The following POLR2B variants were observed in gnomAD, a reference collection of about 807,000 sequenced individuals.
POLR2B encodes DNA-directed RNA polymerase II subunit RPB2.
POLR2B carries 57 observed loss-of-function variants against 144.6 expected under a neutral mutation model. The ratio of observed to expected loss-of-function variants is 0.39; its 90% CI spans 0.32 to 0.49. The LOEUF (loss-of-function observed/expected upper bound fraction) is 0.49, where lower values mean the gene tolerates loss of function less well. Ranked by LOEUF, POLR2B falls within the 20% of genes least tolerant of loss-of-function variation. POLR2B has a pLI of 0.83. For synonymous variants in POLR2B, 442 were observed against 469.8 expected (o/e 0.94, Z 0.77); for missense variants, 595 against 1,467.4 (o/e 0.41, Z 9.71).
In POLR2B at chr4:57,023,829, T is replaced by TA. The variant is rs1723627585; in HGVS notation, c.2856+80dup. 1.3e-5 allele frequency: 13 copies of TA among 1,017,142 alleles called. No homozygotes were observed. The East Asian group carries it at 3.2e-4, about 25-fold the overall frequency. The allele number at this position is 1,017,142 out of a possible 1,614,324, so 63.0% of individuals were successfully genotyped here. On this transcript the variant is annotated intron_variant, in intron 20 of 24. Coordinates refer to ENST00000314595, the MANE Select transcript of POLR2B (RefSeq NM_000938.3). This position sits in a 1 kb window ranked among gnomAD's most constrained non-coding sequence, Gnocchi z 4.3. ...TTTTTAATCAAAATTTGCTTTAACT[T>TA]AAGAGCTCAAAGATGATACAGGTTG... is the stretch of plus-strand genomic sequence containing the variant.
At chr4:57,020,739 C>G (rs919288764) in intron 16 of POLR2B, among the ~76,000 whole-genome samples, 160 bp from the exon 17 acceptor site, 2 of 152,114 alleles carry the variant, frequency 1.3e-5, no homozygotes, top group Non-Finnish European at 2.9e-5. Flanking sequence ...AGTTGCCTCA[C>G]AGATTGCTAT....
At chr4:57,026,237 C>CAAAACAA (rs1190984583) in intron 23 of POLR2B, among the ~76,000 whole-genome samples, 1 of 151,840 alleles carries the variant, frequency 6.6e-6, no homozygotes, top group Admixed American at 6.6e-5. Context: ...GACTTCATCT[C>CAAAACAA]AAAACAAAAA....
rs1447086971 is a variant in POLR2B at position 56,986,525 on chromosome 4, GA to G, written c.92+100del. The G allele has an allele frequency of 5.6e-5, 37 of 661,144 alleles. No individual in the cohort carries two copies. In the African/African-American group the frequency reaches 6.1e-4, roughly 11 times the overall value. The allele number at this position is 661,144 out of a possible 1,614,324, so 41.0% of individuals were successfully genotyped here. On this transcript the variant is annotated intron_variant, in intron 2 of 24. Transcript: ENST00000314595. ...TCTTCTATATAAATATGCTACATGA[GA>G]GTAGTTATTTTATTTATATATTTAA...
At chr4:56,981,654 T>C (rs996195696) in intron 1 of POLR2B, among the ~76,000 whole-genome samples, 2 of 152,260 alleles carry the variant, frequency 1.3e-5, no homozygotes, top group African/African-American at 4.8e-5. Context: ...TCAGTCACTA[T>C]GTGAAAATGT....
Position 57,017,252 on chromosome 4 carries a change from C to T in POLR2B, c.2154+11C>T. On this transcript the variant is annotated intron_variant, in intron 15 of 24. Transcript: ENST00000314595. The surrounding 1 kb of genome is among the most constrained non-coding windows in gnomAD (Gnocchi z 4.8). Reference sequence around the variant, plus strand: ...CCTGATCATAACCAGGTTGGTATCACTTTTTGTCTTCTGGTGTGAGGAATT... The same window carrying T: ...CCTGATCATAACCAGGTTGGTATCATTTTTTGTCTTCTGGTGTGAGGAATT... 1 of 1,589,256 alleles carries T rather than the reference C, an allele frequency of 6.3e-7. No individual in the cohort carries two copies. Among genetic ancestry groups the T allele is most frequent in the Non-Finnish European group, 8.6e-7 (1 of 1,160,834 alleles).
intron 24 of POLR2B, 73 bp from the exon 25 acceptor site, chr4:57,030,826 T>C: frequency 1.2e-6 from 1 of 835,540 alleles, no homozygotes; most frequent in Non-Finnish European, 2.1e-6. Context: ...CAGATCTTTG[T>C]CTTTTTCTGG....
chr4:57,009,027 GC>G (rs1234527128), intron 10 of POLR2B, among the ~76,000 whole-genome samples: 1 of 152,164 alleles, frequency 6.6e-6, no homozygotes, highest in Non-Finnish European at 1.5e-5. Context: ...AAAGAGAAGG[GC>G]AAGTTTGGTG....
chr4:57,013,616 C>A (rs1343556456), intron 13 of POLR2B, among the ~76,000 whole-genome samples: 1 of 151,642 alleles, frequency 6.6e-6, no homozygotes, highest in Non-Finnish European at 1.5e-5. Flanking sequence ...TGGTTCACTG[C>A]AGCCTCTACC....
In POLR2B at chr4:57,005,307, T is replaced by C. The variant is rs1675156668; in HGVS notation, c.962T>C (p.Ile321Thr). 1.2e-6 allele frequency: 2 copies of C among 1,600,800 alleles called. No individual in the cohort carries two copies. Among genetic ancestry groups the C allele is most frequent in the African/African-American group, 1.3e-5 (1 of 74,238 alleles). The change falls in exon 8 of 25, where the codon ATT becomes ACT. Residue 321 changes from isoleucine (I) to threonine (T), a missense_variant. Around this residue, in one of 9 missense-constraint regions of POLR2B, gnomAD observed 251 missense variants for 567.3 expected, o/e 0.44. Transcript: ENST00000314595. ...GAACAGAATGTTGCACTAAATTTCA[T>C]TGGTTCAAGAGGAGCAAAGCCTGGT... is the stretch of plus-strand genomic sequence containing the variant. The part of the protein sequence containing the change: ...IQEQNVALNF[I>T]GSRGAKPGVT...
rs1374599759 is a variant in POLR2B at position 57,025,451 on chromosome 4, G to A, written c.3153G>A (p.Leu1051=). The A allele has an allele frequency of 6.2e-7, 1 of 1,612,000 alleles. No individual in the cohort carries two copies. Among genetic ancestry groups the A allele is most frequent in the African/African-American group, 1.3e-5 (1 of 74,852 alleles). ...TTGGCCCCACTTATTACCAGCGTTT[G>A]AAGCATATGGTGGATGATAAGATTC... ...IFIGPTYYQR[L]KHMVDDKIHS... Residue 1051 remains leucine, a synonymous_variant, in exon 23 of 25, where the codon TTG becomes TTA. Transcript: ENST00000314595.
intron 2 of POLR2B, among the ~76,000 whole-genome samples, chr4:56,988,651 G>A (rs9994329): frequency 0.012 from 1,867 of 152,296 alleles, 40 homozygotes; most frequent in African/African-American, 0.042. Flanking sequence ...CTAGAATGAA[G>A]CATTGTCCTG....
intron 1 of POLR2B, among the ~76,000 whole-genome samples, chr4:56,983,234 C>G (rs1560469431): frequency 6.6e-6 from 1 of 152,140 alleles, no homozygotes; most frequent in Non-Finnish European, 1.5e-5. Context: ...TTTGAATATG[C>G]CATCCTGTCT....
At chr4:56,995,098 A>G (rs1722637375) in intron 5 of POLR2B, among the ~76,000 whole-genome samples, 153 bp from the exon 6 acceptor site, 1 of 152,176 alleles carries the variant, frequency 6.6e-6, no homozygotes. Context: ...ATTTCTATGA[A>G]GCATTTATGC....
intron 23 of POLR2B, among the ~76,000 whole-genome samples, chr4:57,028,038 T>C (rs1560486203): frequency 6.6e-6 from 1 of 152,342 alleles, no homozygotes; most frequent in East Asian, 1.9e-4. Context: ...AAGACTTACT[T>C]TTTTCGTTTG....
In POLR2B at chr4:56,979,009, G is replaced by C; in HGVS notation, c.19+5G>C. On this transcript the variant is annotated splice_donor_5th_base_variant and intron_variant, in intron 1 of 24. Coordinates refer to ENST00000314595, the MANE Select transcript of POLR2B (RefSeq NM_000938.3). ...ATATGTACGACGCGGATGAGGGTAG[G>C]TGAACGCTCAAAACACACGCCGTGG... 6.2e-7 allele frequency: 1 copy of C among 1,613,446 alleles called. No homozygotes were observed. Among genetic ancestry groups the C allele is most frequent in the Non-Finnish European group, 8.5e-7 (1 of 1,179,646 alleles).
At chr4:57,010,528 A>G in intron 11 of POLR2B, 24 bp downstream of exon 11, 1 of 1,597,462 alleles carries the variant, frequency 6.3e-7, no homozygotes, top group Non-Finnish European at 8.5e-7. Flanking sequence ...ATTTACATTC[A>G]GGACAAAAAG....
chr4:57,005,499 T>G, intron 8 of POLR2B, 57 bp downstream of exon 8: 5 of 1,489,644 alleles, frequency 3.4e-6, no homozygotes, highest in Non-Finnish European at 4.5e-6. Flanking sequence ...AGATAAAGGT[T>G]TTTCTTAGAG....
chr4:57,006,101 G>A (rs1251970006), intron 9 of POLR2B, among the ~76,000 whole-genome samples: 3 of 152,080 alleles, frequency 2.0e-5, no homozygotes, highest in African/African-American at 7.2e-5. Flanking sequence ...TTGGTATTAT[G>A]TGCAGTTTTT....
intron 7 of POLR2B, among the ~76,000 whole-genome samples, chr4:57,003,451 G>C (rs1442028352): frequency 1.4e-5 from 2 of 147,908 alleles, no homozygotes; most frequent in African/African-American, 5.0e-5. Context: ...TAACTTTTGG[G>C]CTGGCATGGT....
Sources: gnomAD v4.1 joint callset for allele counts (sites outside exome capture counted in the v4.1 genomes callset) on GRCh38, gnomAD v4.1.1 for gene constraint, gnomAD v4.1.1 regional missense constraint, Gnocchi (gnomAD v3.1) non-coding constraint, MANE v1.5 for transcripts, NCBI Gene and HGNC (gene_info 2026-07-23, HGNC 2026-07-21) for gene names.